FLOT2: variants seen among roughly 807,000 people sequenced by gnomAD.
FLOT2 encodes flotillin 2.
Under a neutral mutation model 54.9 loss-of-function variants are expected in FLOT2, and 35 were observed. The ratio of observed to expected loss-of-function variants is 0.64; its 90% CI spans 0.49 to 0.84. FLOT2 has a LOEUF of 0.84. FLOT2 is among the 40% of genes least tolerant of loss of function. The pLI is 0.00. For missense variants in FLOT2, 464 were observed against 572.1 expected (o/e 0.81, Z 1.93); for synonymous variants, 207 against 228.9 (o/e 0.90, Z 0.86).
rs2039420704 is a variant in FLOT2, at chr17:28,880,036, C to A, written c.*525G>T. On this transcript the variant is annotated 3_prime_UTR_variant, in exon 11 of 11. Transcript: ENST00000394908. ...TCATGGCTGCCCAGACCTAGAGGGG[C>A]AGCAGCAGGTGAGGCTGTGGGCTTC... 3 of 991,536 alleles carry A rather than the reference C, an allele frequency of 3.0e-6. No individual in the cohort carries two copies. Among genetic ancestry groups the A allele is most frequent in the African/African-American group, 1.7e-5 (1 of 57,264 alleles). The allele number at this position is 991,536 out of a possible 1,614,324, so 61.4% of individuals were successfully genotyped here.
At chr17:28,881,670 G>A (rs2039450247) in intron 8 of FLOT2, 144 bp downstream of exon 8, 2 of 761,690 alleles carry the variant, frequency 2.6e-6, no homozygotes, top group Non-Finnish European at 4.3e-6. Flanking sequence ...GGGGACATGG[G>A]GTTATCCTCA....
Position 28,884,090 on chromosome 17 carries a change from C to T in FLOT2, c.222+135G>A, listed in dbSNP as rs1383447336. The T allele has an allele frequency of 2.2e-5, 16 of 731,330 alleles. No individual in the cohort carries two copies. The highest frequency in any genetic ancestry group is 3.6e-5 in the Non-Finnish European group (15 of 414,790). The allele number at this position is 731,330 out of a possible 1,614,324, so 45.3% of individuals were successfully genotyped here. A position where few individuals can be genotyped will look rare whatever the true frequency, so the allele number is the denominator to read the frequency against. ...CAGTGGCGACGACCTGACTAGCCCT[C>T]TCTTGTGGGACTTGCGGGGGCTGGG... On this transcript the variant is annotated intron_variant, in intron 3 of 10. Coordinates refer to ENST00000394908, the MANE Select transcript of FLOT2 (RefSeq NM_004475.3). The surrounding 1 kb of genome is among the most constrained non-coding windows in gnomAD (Gnocchi z 5.1).
chr17:28,882,962 C>A lies in FLOT2; in HGVS notation c.346+146G>T, dbSNP rs2039481301. ...CTCATACCCTCTCCTTAACTCAAGT[C>A]ACCTGAAGTTTTGAAATTAAATATT... On this transcript the variant is annotated intron_variant, in intron 4 of 10. Transcript: ENST00000394908. The surrounding 1 kb of genome is among the most constrained non-coding windows in gnomAD (Gnocchi z 5.6). 1.0e-5 allele frequency: 9 copies of A among 866,950 alleles called. No homozygotes were observed. Among genetic ancestry groups the A allele is most frequent in the Non-Finnish European group, 1.6e-5 (9 of 571,752 alleles). The allele number at this position is 866,950 out of a possible 1,614,324, so 53.7% of individuals were successfully genotyped here. A position where few individuals can be genotyped will look rare whatever the true frequency, so the allele number is the denominator to read the frequency against.
At chr17:28,880,994 T>C (rs2039437671) in intron 9 of FLOT2, 132 bp from the exon 10 acceptor site, 2 of 1,246,578 alleles carry the variant, frequency 1.6e-6, no homozygotes, top group Admixed American at 3.7e-5. Flanking sequence ...TCTCGAGCCA[T>C]GGTAAGAGAC....
rs55805321 is a variant in FLOT2 at position 28,883,505 on chromosome 17, C to T, written c.223-274G>A. The stretch of plus-strand genomic sequence containing the variant: ...CTTGTCTCCCCACCCCTCCAGCCTA[C>T]TGTCCCCTCACCAGCTAATTCCTCC... On this transcript the variant is annotated intron_variant, in intron 3 of 10. Transcript: ENST00000394908. The surrounding 1 kb of genome is among the most constrained non-coding windows in gnomAD (Gnocchi z 5.0). Among the ~76,000 whole-genome samples, 811 of 151,914 alleles carry T rather than the reference C, an allele frequency of 5.3e-3. 4 individuals carry two copies. Among genetic ancestry groups the T allele is most frequent in the Middle Eastern group, 0.021 (6 of 292 alleles).
At chr17:28,881,142 G>A in intron 9 of FLOT2, 50 bp downstream of exon 9, 1 of 1,546,374 alleles carries the variant, frequency 6.5e-7, no homozygotes, top group Non-Finnish European at 8.8e-7. Context: ...TGCCCAGCTT[G>A]TCAAGCAAGG....
At position 28,879,766 on chromosome 17, in the gene FLOT2, C is replaced by A; in HGVS notation, c.*795G>T. 1 of 986,072 alleles carries A rather than the reference C, an allele frequency of 1.0e-6. No individual in the cohort carries two copies. The allele number at this position is 986,072 out of a possible 1,614,324, so 61.1% of individuals were successfully genotyped here. A position where few individuals can be genotyped will look rare whatever the true frequency, so the allele number is the denominator to read the frequency against. On this transcript the variant is annotated 3_prime_UTR_variant, in exon 11 of 11. Transcript: ENST00000394908. ...TTTTCTGTCCCCAACAGGGCTAGAC[C>A]CTCATCTCAGAAAACTTAGCAGAGT...
intron 2 of FLOT2, chr17:28,886,108 C>G: frequency 3.0e-6 from 2 of 656,928 alleles, no homozygotes; most frequent in Admixed American, 2.1e-5. Flanking sequence ...CCAGCTCAGC[C>G]GAGGGCTGCA....
intron 1 of FLOT2, among the ~76,000 whole-genome samples, chr17:28,890,295 C>A (rs1038651122): frequency 6.6e-6 from 1 of 152,146 alleles, no homozygotes; most frequent in African/African-American, 2.4e-5. Flanking sequence ...GTCAGCTACA[C>A]AGAACATCTA....
chr17:28,882,414 C>T lies in FLOT2; in HGVS notation c.502G>A (p.Gly168Ser). Reference protein sequence around the residue: ...YDKVDYLSSLGKTQTAVVQRD... With the variant: ...YDKVDYLSSLSKTQTAVVQRD... Reference sequence around the variant, plus strand: ...TGCACCACGGCAGTCTGCGTCTTGCCCAGGGAGCTCAGATAGTCCACTTTG... The same window carrying T: ...TGCACCACGGCAGTCTGCGTCTTGCTCAGGGAGCTCAGATAGTCCACTTTG... Residue 168 changes from glycine to serine, a missense_variant, in exon 6 of 11, where the codon GGC becomes AGC. By Grantham distance (56) the Gly-to-Ser change is moderately conservative. Coordinates refer to ENST00000394908, the MANE Select transcript of FLOT2 (RefSeq NM_004475.3). This position sits in a 1 kb window ranked among gnomAD's most constrained non-coding sequence, Gnocchi z 5.6. The T allele has an allele frequency of 6.2e-7, 1 of 1,614,090 alleles. No homozygotes were observed. Among genetic ancestry groups the T allele is most frequent in the Non-Finnish European group, 8.5e-7 (1 of 1,180,026 alleles).
chr17:28,882,308 C>A lies in FLOT2; in HGVS notation c.579+29G>T. On this transcript the variant is annotated intron_variant, in intron 6 of 10. Coordinates refer to ENST00000394908, the MANE Select transcript of FLOT2 (RefSeq NM_004475.3). This position sits in a 1 kb window ranked among gnomAD's most constrained non-coding sequence, Gnocchi z 5.6. ...CTGAGTCATCATGGTCCCATCACCC[C>A]TGAGCTTCCCATCCTTGAACCCACA... 6.2e-7 allele frequency: 1 copy of A among 1,613,924 alleles called. No individual in the cohort carries two copies. The highest frequency in any genetic ancestry group is 1.3e-5 in the African/African-American group (1 of 75,038).
chr17:28,888,281 A>T (rs887930741), intron 2 of FLOT2, among the ~76,000 whole-genome samples: 1 of 152,226 alleles, frequency 6.6e-6, no homozygotes, highest in Admixed American at 6.5e-5. Context: ...GCCCTGCCCT[A>T]GGCTCTGCAG....
chr17:28,884,082 C>T lies in FLOT2; in HGVS notation c.222+143G>A. The T allele has an allele frequency of 1.4e-6, 1 of 700,356 alleles. No individual in the cohort carries two copies. The highest frequency in any genetic ancestry group is 2.5e-6 in the Non-Finnish European group (1 of 392,986). 43.4% of individuals were successfully genotyped at this position (700,356 alleles called of 1,614,324 possible). ...GCATGTTCCAGTGGCGACGACCTGA[C>T]TAGCCCTCTCTTGTGGGACTTGCGG... On this transcript the variant is annotated intron_variant, in intron 3 of 10. Transcript: ENST00000394908. This position sits in a 1 kb window ranked among gnomAD's most constrained non-coding sequence, Gnocchi z 5.1.
chr17:28,895,622 T>C (rs2039728209), intron 1 of FLOT2, among the ~76,000 whole-genome samples: 1 of 152,186 alleles, frequency 6.6e-6, no homozygotes, highest in South Asian at 2.1e-4. Context: ...TTGCTAATAC[T>C]ATCATGAATT....
chr17:28,881,750 G>T, intron 8 of FLOT2, 64 bp downstream of exon 8: 1 of 1,422,046 alleles, frequency 7.0e-7, no homozygotes, highest in Non-Finnish European at 9.8e-7. Flanking sequence ...GGAGAGTAGA[G>T]GGAGTGCACT....
chr17:28,886,146 C>T (rs904173802), intron 2 of FLOT2: 31 of 617,148 alleles, frequency 5.0e-5, no homozygotes, highest in Admixed American at 1.0e-4. Context: ...TGTGCTGATC[C>T]GAGGCCTCTG....
chr17:28,896,626 A>G (rs1316697219), intron 1 of FLOT2, among the ~76,000 whole-genome samples: 2 of 152,206 alleles, frequency 1.3e-5, no homozygotes, highest in Non-Finnish European at 2.9e-5. Context: ...GGCCTGGCTC[A>G]GGGCTTCTAT....
intron 1 of FLOT2, among the ~76,000 whole-genome samples, chr17:28,894,900 ATTTG>A (rs936775724): frequency 1.1e-4 from 13 of 116,834 alleles, no homozygotes; most frequent in Admixed American, 1.8e-4. Context: ...CCTCAAGAAT[ATTTG>A]TTTATTATTT....
In FLOT2 at chr17:28,897,598, T is replaced by A; in HGVS notation, c.-24A>T. On this transcript the variant is annotated 5_prime_UTR_variant, in exon 1 of 11. Coordinates refer to ENST00000394908, the MANE Select transcript of FLOT2 (RefSeq NM_004475.3). The surrounding 1 kb of genome is among the most constrained non-coding windows in gnomAD (Gnocchi z 4.4). ...ATGGCGCCGGCGGCACGGAGGGCCC[T>A]CGGGACCGCACAGACCCGGACAACA... 1.9e-6 allele frequency: 3 copies of A among 1,579,026 alleles called. No individual in the cohort carries two copies. Among genetic ancestry groups the A allele is most frequent in the Non-Finnish European group, 2.6e-6 (3 of 1,163,282 alleles).
Sources: gnomAD v4.1 joint callset for allele counts (sites outside exome capture counted in the v4.1 genomes callset) on GRCh38, gnomAD v4.1.1 for gene constraint, Gnocchi (gnomAD v3.1) non-coding constraint, MANE v1.5 for transcripts, NCBI Gene and HGNC (gene_info 2026-07-23, HGNC 2026-07-21) for gene names.